NR6A1: variants seen among roughly 807,000 people sequenced by gnomAD.
The protein encoded by NR6A1 is nuclear receptor subfamily 6 group A member 1.
A neutral mutation model predicts 59.1 loss-of-function variants in NR6A1; 7 were observed. The observed-to-expected ratio is 0.12, with a 90% CI of 0.07 to 0.22. The LOEUF is 0.22. Among genes scored for constraint, NR6A1 ranks in the 10% least tolerant of loss-of-function variants. The pLI, the probability that NR6A1 is intolerant of heterozygous loss-of-function variation, is 1.00. For synonymous variants in NR6A1, 243 were observed against 236.1 expected (o/e 1.03, Z -0.27); for missense variants, 468 against 611.6 (o/e 0.77, Z 2.48).
intron 2 of NR6A1, among the ~76,000 whole-genome samples, chr9:124,701,773 C>T (rs1838959644): frequency 6.6e-6 from 1 of 152,064 alleles, no homozygotes; most frequent in Admixed American, 6.5e-5. Flanking sequence ...GCCCAGGCTG[C>T]AATGCAGTGG....
chr9:124,616,706 A>G (rs1044129933), intron 2 of NR6A1, among the ~76,000 whole-genome samples: 1 of 152,222 alleles, frequency 6.6e-6, no homozygotes, highest in African/African-American at 2.4e-5. Context: ...GACAAAGAAT[A>G]TGACCAGGCA....
At chr9:124,679,192 C>T (rs1463017751) in intron 2 of NR6A1, among the ~76,000 whole-genome samples, 1 of 152,166 alleles carries the variant, frequency 6.6e-6, no homozygotes, top group African/African-American at 2.4e-5. Context: ...AAGTTAATCT[C>T]ACAGAGACTG....
At chr9:124,596,597 C>T (rs1353157203) in intron 2 of NR6A1, among the ~76,000 whole-genome samples, 1 of 152,184 alleles carries the variant, frequency 6.6e-6, no homozygotes, top group Non-Finnish European at 1.5e-5. Context: ...TTACCCTCAG[C>T]CAAAAGTTTA....
chr9:124,708,759 A>G (rs1444000098), intron 2 of NR6A1, among the ~76,000 whole-genome samples: 1 of 152,230 alleles, frequency 6.6e-6, no homozygotes, highest in African/African-American at 2.4e-5. Context: ...GCAAAAGTAC[A>G]CAATCTCAGA....
intron 2 of NR6A1, among the ~76,000 whole-genome samples, chr9:124,593,304 C>T (rs1416144920): frequency 6.6e-6 from 1 of 152,106 alleles, no homozygotes; most frequent in African/African-American, 2.4e-5. Flanking sequence ...GGAGGGATTT[C>T]GCACATGTGT....
chr9:124,732,856 C>T (rs1301023018), intron 2 of NR6A1, among the ~76,000 whole-genome samples: 2 of 152,056 alleles, frequency 1.3e-5, no homozygotes, highest in South Asian at 4.1e-4. Flanking sequence ...GCCACCACGC[C>T]CGGCTGATTT....
chr9:124,730,254 G>A (rs981877158), intron 2 of NR6A1, among the ~76,000 whole-genome samples: 2 of 152,088 alleles, frequency 1.3e-5, no homozygotes, highest in Non-Finnish European at 2.9e-5. Flanking sequence ...TTTTGAGACA[G>A]GGTCTTGCTC....
At chr9:124,632,380 T>C (rs1393515922) in intron 2 of NR6A1, among the ~76,000 whole-genome samples, 1 of 152,220 alleles carries the variant, frequency 6.6e-6, no homozygotes, top group Non-Finnish European at 1.5e-5. Context: ...TGAGATTGTA[T>C]CTCATTGTGG....
intron 2 of NR6A1, among the ~76,000 whole-genome samples, chr9:124,666,875 A>G (rs1210057064): frequency 6.6e-6 from 1 of 152,002 alleles, no homozygotes; most frequent in Non-Finnish European, 1.5e-5. Context: ...TCTGAATCTC[A>G]GGTTCCTTCC....
At chr9:124,704,104 T>C (rs1327972476) in intron 2 of NR6A1, among the ~76,000 whole-genome samples, 5 of 152,200 alleles carry the variant, frequency 3.3e-5, no homozygotes, top group Non-Finnish European at 7.4e-5. Context: ...TCAGTTTTGA[T>C]CATCTGTATC....
chr9:124,556,053 T>C (rs947869332), intron 2 of NR6A1, among the ~76,000 whole-genome samples: 2 of 152,186 alleles, frequency 1.3e-5, no homozygotes, highest in African/African-American at 4.8e-5. Flanking sequence ...GTCTTTATGA[T>C]TGCCATCTAT....
intron 1 of NR6A1, among the ~76,000 whole-genome samples, chr9:124,738,988 C>A (rs1840097067): frequency 7.0e-6 from 1 of 142,308 alleles, no homozygotes; most frequent in Non-Finnish European, 1.5e-5. Flanking sequence ...GACAACGAAG[C>A]AAGACTCCAT....
chr9:124,568,972 G>T (rs1834359143), intron 2 of NR6A1, among the ~76,000 whole-genome samples: 1 of 151,772 alleles, frequency 6.6e-6, no homozygotes, highest in Non-Finnish European at 1.5e-5. Flanking sequence ...AATTAGCCAG[G>T]CATGGTGGCG....
At chr9:124,713,811 G>A (rs1197348257) in intron 2 of NR6A1, among the ~76,000 whole-genome samples, 1 of 152,234 alleles carries the variant, frequency 6.6e-6, no homozygotes, top group Non-Finnish European at 1.5e-5. Flanking sequence ...TGGGGCGGCA[G>A]CTATGGAAAA....
chr9:124,641,629 C>T (rs764812360), intron 2 of NR6A1, among the ~76,000 whole-genome samples: 3 of 152,044 alleles, frequency 2.0e-5, no homozygotes, highest in Non-Finnish European at 4.4e-5. Flanking sequence ...CCCTGGAGTT[C>T]GAGGCTGCAG....
intron 2 of NR6A1, among the ~76,000 whole-genome samples, chr9:124,587,311 T>C (rs993905547): frequency 1.3e-5 from 2 of 152,230 alleles, no homozygotes; most frequent in African/African-American, 4.8e-5. Flanking sequence ...TGCTTTATTG[T>C]AGTGGTCTGG....
chr9:124,556,032 C>T (rs543463507), intron 2 of NR6A1, among the ~76,000 whole-genome samples: 10 of 152,276 alleles, frequency 6.6e-5, no homozygotes, highest in Admixed American at 5.9e-4. Flanking sequence ...TATATGCCAA[C>T]TTTGAGATGA....
At chr9:124,603,752 A>C (rs989176237) in intron 2 of NR6A1, among the ~76,000 whole-genome samples, 4 of 152,216 alleles carry the variant, frequency 2.6e-5, no homozygotes, top group Non-Finnish European at 5.9e-5. Flanking sequence ...TGCTTCAGAA[A>C]GCAGCAACAT....
chr9:124,567,481 G>A (rs1834295506), intron 2 of NR6A1, among the ~76,000 whole-genome samples: 1 of 152,082 alleles, frequency 6.6e-6, no homozygotes, highest in Non-Finnish European at 1.5e-5. Context: ...AAACATATGA[G>A]GGCCAGGTGC....
Sources: gnomAD v4.1 joint callset for allele counts (sites outside exome capture counted in the v4.1 genomes callset) on GRCh38, gnomAD v4.1.1 for gene constraint, MANE v1.5 for transcripts, NCBI Gene and HGNC (gene_info 2026-07-23, HGNC 2026-07-21) for gene names.